Variants in JAKMIP2 observed in about 807,000 individuals in gnomAD.
JAKMIP2 encodes janus kinase and microtubule-interacting protein 2.
Under a neutral mutation model 115.0 loss-of-function variants are expected in JAKMIP2, and 25 were observed. The ratio of observed to expected loss-of-function variants is 0.22; its 90% CI spans 0.16 to 0.30. The LOEUF (loss-of-function observed/expected upper bound fraction) is 0.30. Ranked by LOEUF, JAKMIP2 falls within the 10% of genes least tolerant of loss-of-function variation. The pLI is 1.00. For synonymous variants in JAKMIP2, 334 were observed against 343.6 expected, an observed-to-expected ratio of 0.97 and a Z score of 0.31; for missense variants, 642 against 957.6, an observed-to-expected ratio of 0.67 and a Z score of 4.35.
At chr5:147,776,387 T>C (rs768264377) in intron 1 of JAKMIP2, among the ~76,000 whole-genome samples, 4 of 152,144 alleles carry the variant, frequency 2.6e-5, no homozygotes, top group Non-Finnish European at 5.9e-5. Flanking sequence ...CAGCTCTCAT[T>C]CTTTTCCCTC....
chr5:147,647,285 A>AT, intron 5 of JAKMIP2, among the ~76,000 whole-genome samples: 1 of 152,238 alleles, frequency 6.6e-6, no homozygotes, highest in Admixed American at 6.5e-5. Flanking sequence ...TATTAGAAAA[A>AT]TTTTTGAATG....
Position 147,661,172 on chromosome 5 carries a change from T to C in JAKMIP2, c.403A>G (p.Ile135Val). ...TTCCGGGCCTCCTCCCGGGCCTCAA[T>C]GGTGAGCGCTGTCCTTACTTTGTCA... ...SSDKVRTALTIEAREEARKLF... is the reference protein window; with the variant it reads ...SSDKVRTALTVEAREEARKLF... Residue 135 changes from isoleucine (I) to valine (V), a missense_variant, in exon 3 of 22, where the codon ATT (isoleucine) becomes GTT (valine). Ile to Val is a conservative substitution (Grantham distance 29, BLOSUM62 3). Transcript: ENST00000616793. 6.2e-7 allele frequency: 1 copy of C among 1,614,094 alleles called. No homozygotes were observed. The highest frequency in any genetic ancestry group is 8.5e-7 in the Non-Finnish European group (1 of 1,180,014).
In JAKMIP2 at chr5:147,661,150, C is replaced by T. The variant is rs774610220; in HGVS notation, c.425G>A (p.Arg142Gln). 1.2e-6 allele frequency: 2 copies of T among 1,614,044 alleles called. No individual in the cohort carries two copies. The highest frequency in any genetic ancestry group is 1.1e-5 in the South Asian group (1 of 91,058). Residue 142 changes from arginine to glutamine, a missense_variant, in exon 3 of 22, where the codon CGG becomes CAG. Coordinates refer to ENST00000616793, the MANE Select transcript of JAKMIP2 (RefSeq NM_001270941.2). ...AAGGCGCTCTGTGTCAAACAGTTTC[C>T]GGGCCTCCTCCCGGGCCTCAATGGT... ...ALTIEAREEARKLFDTERLKL... is the reference protein window; with the variant it reads ...ALTIEAREEAQKLFDTERLKL...
intron 19 of JAKMIP2, among the ~76,000 whole-genome samples, chr5:147,614,982 G>A (rs1027540352): frequency 6.6e-5 from 10 of 152,116 alleles, no homozygotes; most frequent in African/African-American, 2.4e-4. Flanking sequence ...AACCTAAAGT[G>A]GCCAATCCTA....
chr5:147,628,647 C>T (rs1326184899), intron 16 of JAKMIP2, 104 bp downstream of exon 16: 2 of 777,554 alleles, frequency 2.6e-6, no homozygotes, highest in Non-Finnish European at 4.3e-6. Flanking sequence ...ATTAGGTATT[C>T]ACACACAGTC....
chr5:147,684,027 T>C (rs938459901), intron 1 of JAKMIP2, among the ~76,000 whole-genome samples: 1 of 152,124 alleles, frequency 6.6e-6, no homozygotes, highest in African/African-American at 2.4e-5. Context: ...TTTTTAACAC[T>C]GAGGATTCTT....
At chr5:147,675,374 G>A (rs1413769797) in intron 1 of JAKMIP2, among the ~76,000 whole-genome samples, 1 of 152,066 alleles carries the variant, frequency 6.6e-6, no homozygotes, top group African/African-American at 2.4e-5. Flanking sequence ...TCTGGTGGAG[G>A]AGAACTTTCC....
At chr5:147,646,569 C>T (rs1487139922) in intron 5 of JAKMIP2, among the ~76,000 whole-genome samples, 1 of 151,912 alleles carries the variant, frequency 6.6e-6, no homozygotes, top group African/African-American at 2.4e-5. Context: ...TTTTAAGATA[C>T]ACCTTAAATA....
chr5:147,650,922 G>T (rs1758366687), intron 3 of JAKMIP2, among the ~76,000 whole-genome samples: 1 of 152,074 alleles, frequency 6.6e-6, no homozygotes, highest in African/African-American at 2.4e-5. Context: ...GACATTTTTT[G>T]ATGTCACTTC....
intron 1 of JAKMIP2, among the ~76,000 whole-genome samples, chr5:147,678,146 G>A (rs773377697): frequency 2.0e-5 from 3 of 152,152 alleles, no homozygotes; most frequent in Non-Finnish European, 4.4e-5. Context: ...TGGGATTACA[G>A]GCATGCGCCA....
intron 1 of JAKMIP2, among the ~76,000 whole-genome samples, chr5:147,776,160 G>GA (rs1755546629): frequency 6.6e-6 from 1 of 152,054 alleles, no homozygotes; most frequent in Non-Finnish European, 1.5e-5. Flanking sequence ...TGAATATAGT[G>GA]AAAAAAATAG....
At chr5:147,702,594 A>C (rs949356861) in intron 1 of JAKMIP2, among the ~76,000 whole-genome samples, 2 of 130,894 alleles carry the variant, frequency 1.5e-5, no homozygotes, top group African/African-American at 3.1e-5. Context: ...GAAAGAAAGA[A>C]AGAAAGAAGG....
chr5:147,644,434 C>T lies in JAKMIP2; in HGVS notation c.1084-236G>A, dbSNP rs145727384. ...TGTATTGAAAGTCTATTAAGGAGTA[C>T]ATTATCATTTCACTTGTCCGCATAT... On this transcript the variant is annotated intron_variant, in intron 6 of 21. Coordinates refer to ENST00000616793, the MANE Select transcript of JAKMIP2 (RefSeq NM_001270941.2). Among the ~76,000 whole-genome samples, 210 of 152,288 alleles carry T rather than the reference C, an allele frequency of 1.4e-3. 1 individual carries two copies. The highest frequency in any genetic ancestry group is 2.3e-3 in the Non-Finnish European group (156 of 68,024).
chr5:147,765,130 G>A (rs1285393535), intron 1 of JAKMIP2, among the ~76,000 whole-genome samples: 1 of 151,206 alleles, frequency 6.6e-6, no homozygotes, highest in African/African-American at 2.4e-5. Flanking sequence ...AAAAATAATT[G>A]GAATGACCAA....
At chr5:147,746,868 A>G (rs916365697) in intron 1 of JAKMIP2, among the ~76,000 whole-genome samples, 3 of 152,162 alleles carry the variant, frequency 2.0e-5, no homozygotes, top group South Asian at 2.1e-4. Flanking sequence ...AATGATTCCT[A>G]TAACTTTGAA....
In JAKMIP2 at chr5:147,636,968, C is replaced by T; in HGVS notation, c.1611G>A (p.Gly537=). The T allele has an allele frequency of 1.1e-6, 1 of 872,934 alleles. No homozygotes were observed. The highest frequency in any genetic ancestry group is 1.3e-5 in the South Asian group (1 of 76,550). 54.1% of individuals were successfully genotyped at this position (872,934 alleles called of 1,614,324 possible). A position where few individuals can be genotyped will look rare whatever the true frequency, so the allele number is the denominator to read the frequency against. Residue 537 remains glycine, a synonymous_variant, in exon 11 of 22, where the codon GGG becomes GGA. Coordinates refer to ENST00000616793, the MANE Select transcript of JAKMIP2 (RefSeq NM_001270941.2). ...EDLEATLAQK[G]QDSHWVEDKQ... ...GAGCTAGCAACCAAATGCCTACCTG[C>T]CCTTTCTGAGCCAGAGTCGCTTCCA...
intron 2 of JAKMIP2, among the ~76,000 whole-genome samples, chr5:147,670,128 A>G (rs1003543415): frequency 6.6e-6 from 1 of 152,186 alleles, no homozygotes; most frequent in African/African-American, 2.4e-5. Context: ...AAACTAAAAA[A>G]TTTTCTTCAC....
At position 147,661,239 on chromosome 5, in the gene JAKMIP2, C is replaced by T; in HGVS notation, c.336G>A (p.Gln112=). ...GAGCACAGAGAGCAGACTTGAGCCT[C>T]TGGATCTCTCCATCACGTACCTTCA... The part of the protein sequence containing the change: ...RTVKVRDGEI[Q]RLKSALCALR... Residue 112 remains glutamine (Q), a synonymous_variant, in exon 3 of 22, where the codon CAG becomes CAA. Transcript: ENST00000616793. The T allele has an allele frequency of 6.2e-7, 1 of 1,613,992 alleles. No homozygotes were observed. The highest frequency in any genetic ancestry group is 8.5e-7 in the Non-Finnish European group (1 of 1,180,004).
intron 1 of JAKMIP2, among the ~76,000 whole-genome samples, chr5:147,742,338 C>T (rs1204752473): frequency 3.3e-5 from 5 of 151,792 alleles, no homozygotes; most frequent in Non-Finnish European, 7.4e-5. Flanking sequence ...CAGGATTACG[C>T]TAACATTCTG....
Sources: allele counts gnomAD v4.1 joint callset (sites outside exome capture counted in the v4.1 genomes callset), GRCh38; gene constraint gnomAD v4.1.1; transcripts MANE v1.5; gene names NCBI Gene and HGNC (gene_info 2026-07-23, HGNC 2026-07-21).